The following SBF2 variants were observed in gnomAD, a reference collection of about 807,000 sequenced individuals.
The protein encoded by SBF2 is myotubularin-related protein 13.
Under a neutral mutation model 225.2 loss-of-function variants are expected in SBF2, and 112 were observed. The observed-to-expected ratio is 0.50, with a 90% CI of 0.43 to 0.58. SBF2 has a LOEUF of 0.58. SBF2 is among the 20% of genes least tolerant of loss of function. SBF2 has a pLI of 0.00. For synonymous variants in SBF2, 763 were observed against 773.3 expected (o/e 0.99, Z 0.22); for missense variants, 1,996 against 2,206.2 (o/e 0.90, Z 1.91).
chr11:10,077,076 G>A (rs962463631), intron 2 of SBF2, among the ~76,000 whole-genome samples: 34 of 152,130 alleles, frequency 2.2e-4, no homozygotes, highest in Non-Finnish European at 2.9e-5. Context: ...TGGCTGCAAG[G>A]CCAACCTGCA....
At chr11:9,898,401 T>A (rs1861444450) in intron 16 of SBF2, among the ~76,000 whole-genome samples, 1 of 152,226 alleles carries the variant, frequency 6.6e-6, no homozygotes, top group Non-Finnish European at 1.5e-5. Flanking sequence ...CTGGGCACGG[T>A]GGTTCACACC....
At chr11:9,945,470 G>A (rs1211550645) in intron 16 of SBF2, among the ~76,000 whole-genome samples, 2 of 152,150 alleles carry the variant, frequency 1.3e-5, no homozygotes, top group Admixed American at 6.5e-5. Context: ...TGACTTAAAT[G>A]TAAGACCTAA....
chr11:9,835,631 C>A (rs868652101), intron 26 of SBF2, among the ~76,000 whole-genome samples: 90 of 62,122 alleles, frequency 1.4e-3, no homozygotes, highest in Admixed American at 2.5e-3. Context: ...GACCTTGTCT[C>A]AAAAAAAAAA....
chr11:9,894,151 G>A (rs1203210694), intron 17 of SBF2, among the ~76,000 whole-genome samples: 3 of 152,164 alleles, frequency 2.0e-5, no homozygotes, highest in Non-Finnish European at 4.4e-5. Context: ...GGAGGCCAAG[G>A]TGGGCAGACA....
chr11:9,964,393 G>T (rs551765085), intron 14 of SBF2, among the ~76,000 whole-genome samples: 3 of 152,148 alleles, frequency 2.0e-5, no homozygotes, highest in Admixed American at 6.5e-5. Context: ...AATTTCACAG[G>T]GTAGATTCTA....
intron 1 of SBF2, among the ~76,000 whole-genome samples, chr11:10,256,659 G>C (rs1960891636): frequency 6.6e-6 from 1 of 152,114 alleles, no homozygotes; most frequent in Admixed American, 6.5e-5. Context: ...GATAAATTCA[G>C]ACTTAAAAAT....
rs779355592 is a variant in SBF2 at position 9,961,965 on chromosome 11, T to A, written c.1852A>T (p.Thr618Ser). The change falls in exon 16 of 40, where the codon ACT (threonine) becomes TCT (serine). Residue 618 changes from threonine to serine, a missense_variant. By Grantham distance (58) the Thr-to-Ser change is moderately conservative. Coordinates refer to ENST00000256190, the MANE Select transcript of SBF2 (RefSeq NM_030962.4). Reference sequence around the variant, plus strand: ...AAAGAACTACAAATTACCTGTAGAGTACAATTCATCATCCTTATTATGTAG... The same window carrying A: ...AAAGAACTACAAATTACCTGTAGAGAACAATTCATCATCCTTATTATGTAG... ...FDYIIRMMNC[T>S]LQDCSSLEEY... is the part of the protein sequence containing the mutation. The A allele has an allele frequency of 4.3e-6, 7 of 1,613,304 alleles. No individual in the cohort carries two copies. Among genetic ancestry groups the A allele is most frequent in the Non-Finnish European group, 5.9e-6 (7 of 1,179,516 alleles).
chr11:10,091,366 T>A (rs1404260145), intron 2 of SBF2, among the ~76,000 whole-genome samples: 1 of 152,182 alleles, frequency 6.6e-6, no homozygotes, highest in African/African-American at 2.4e-5. Flanking sequence ...ACAGAAGTCT[T>A]CCCTAATTAT....
intron 1 of SBF2, among the ~76,000 whole-genome samples, chr11:10,267,157 C>T (rs1962077453): frequency 6.6e-6 from 1 of 152,200 alleles, no homozygotes; most frequent in African/African-American, 2.4e-5. Context: ...GCTATCTCTT[C>T]TTCCCTACTT....
At chr11:9,970,885 C>G (rs1290031314) in intron 13 of SBF2, among the ~76,000 whole-genome samples, 1 of 152,214 alleles carries the variant, frequency 6.6e-6, no homozygotes, top group Non-Finnish European at 1.5e-5. Flanking sequence ...TTAGTAATCA[C>G]TCTTTCTAAA....
intron 13 of SBF2, among the ~76,000 whole-genome samples, chr11:9,973,785 C>A (rs1481414648): frequency 6.6e-6 from 1 of 152,052 alleles, no homozygotes. Flanking sequence ...ACAACAAAAG[C>A]CCCAAACCCC....
intron 16 of SBF2, among the ~76,000 whole-genome samples, chr11:9,937,579 A>C (rs962444250): frequency 6.6e-6 from 1 of 152,198 alleles, no homozygotes; most frequent in Non-Finnish European, 1.5e-5. Context: ...AATTTTTATC[A>C]GATTTTTATT....
chr11:9,793,735 T>A (rs1233693514), intron 33 of SBF2, among the ~76,000 whole-genome samples: 1 of 152,164 alleles, frequency 6.6e-6, no homozygotes, highest in African/African-American at 2.4e-5. Flanking sequence ...GGCCTTACCA[T>A]CACAGATTCT....
At chr11:10,244,477 T>C (rs1018232577) in intron 1 of SBF2, among the ~76,000 whole-genome samples, 3 of 152,238 alleles carry the variant, frequency 2.0e-5, no homozygotes, top group Non-Finnish European at 4.4e-5. Context: ...AGTCTACAAG[T>C]CTGTTTGATA....
At chr11:9,968,233 C>A in intron 14 of SBF2, 108 bp downstream of exon 14, 1 of 944,638 alleles carries the variant, frequency 1.1e-6, no homozygotes, top group South Asian at 1.3e-5. Flanking sequence ...ATTCTAGCTA[C>A]AGGAGTTTGT....
At chr11:10,016,950 C>T (rs1345498001) in intron 6 of SBF2, 1 of 152,138 alleles carries the variant, frequency 6.6e-6, no homozygotes, top group Non-Finnish European at 1.5e-5. Flanking sequence ...TGAATTGTCT[C>T]ACCTTCTGTA....
chr11:10,240,604 G>T (rs1041488941), intron 1 of SBF2, among the ~76,000 whole-genome samples: 1 of 152,094 alleles, frequency 6.6e-6, no homozygotes, highest in African/African-American at 2.4e-5. Flanking sequence ...GAAGTAAAAA[G>T]CAAAATATAA....
intron 16 of SBF2, among the ~76,000 whole-genome samples, chr11:9,942,960 AAAG>A (rs1565039234): frequency 6.8e-6 from 1 of 147,224 alleles, no homozygotes; most frequent in Non-Finnish European, 1.5e-5. Flanking sequence ...CGAAGGAAGG[AAAG>A]AAGGAAAAAG....
chr11:9,791,036 T>G (rs1852709326), intron 33 of SBF2: 1 of 188,248 alleles, frequency 5.3e-6, no homozygotes, highest in African/African-American at 2.4e-5. Context: ...GACTTCAGAG[T>G]TGATTTGATG....
Sources: gnomAD v4.1 joint callset for allele counts (sites outside exome capture counted in the v4.1 genomes callset) on GRCh38, gnomAD v4.1.1 for gene constraint, MANE v1.5 for transcripts, NCBI Gene and HGNC (gene_info 2026-07-23, HGNC 2026-07-21) for gene names.